Variants in TENM4 observed in about 807,000 individuals in gnomAD.
TENM4 encodes the protein teneurin transmembrane protein 4.
A neutral mutation model predicts 243.3 loss-of-function variants in TENM4; 82 were observed. The observed-to-expected ratio is 0.34, with a 90% CI of 0.28 to 0.40. TENM4 has a LOEUF of 0.40. Among genes scored for constraint, TENM4 ranks in the 10% least tolerant of loss-of-function variants. The pLI is 1.00. For missense variants in TENM4, 3,138 were observed against 3,673.3 expected, an observed-to-expected ratio of 0.85 and a Z score of 3.77; for synonymous variants, 1,412 against 1,456.3, an observed-to-expected ratio of 0.97 and a Z score of 0.69.
chr11:79,145,555 C>T (rs1428199027), intron 4 of TENM4, among the ~76,000 whole-genome samples: 1 of 152,070 alleles, frequency 6.6e-6, no homozygotes, highest in Non-Finnish European at 1.5e-5. Context: ...TTGCTATGTG[C>T]AATATTCCAC....
intron 7 of TENM4, among the ~76,000 whole-genome samples, chr11:78,900,922 G>A (rs994560480): frequency 6.6e-6 from 1 of 152,184 alleles, no homozygotes; most frequent in African/African-American, 2.4e-5. Flanking sequence ...TGTATTCACT[G>A]AATTAAGCAC....
Position 78,672,795 on chromosome 11 carries a change from G to A in TENM4, c.5497-466C>T, listed in dbSNP as rs141992590. 3.3e-5 allele frequency among the ~76,000 whole-genome samples: 5 copies of A among 152,220 alleles called. No homozygotes were observed. In the East Asian group the frequency reaches 7.8e-4, roughly 24 times the overall value. ...GGTGAAGGGATTTACCCTGGATCTC[G>A]TGGCTGGTGAGTGACGGAGTCTGGA... is the stretch of plus-strand genomic sequence containing the variant. On this transcript the variant is annotated intron_variant, in intron 30 of 33. Transcript: ENST00000278550.
In TENM4 at chr11:79,395,710, C is replaced by T. The variant is rs528846066; in HGVS notation, c.-321+44799G>A. Among the ~76,000 whole-genome samples the T allele has an allele frequency of 7.4e-4, 113 of 152,254 alleles. 3 individuals are homozygous for T. The South Asian group carries it at 0.023, about 31-fold the overall frequency. ...CCTCTCTGGACATTTACTGCCCACT[C>T]CTCTTTTAGAAACACTTTCATACTC... On this transcript the variant is annotated intron_variant, in intron 1 of 33. Transcript: ENST00000278550.
At chr11:79,193,455 T>C (rs1044217615) in intron 3 of TENM4, among the ~76,000 whole-genome samples, 2 of 152,360 alleles carry the variant, frequency 1.3e-5, no homozygotes, top group Admixed American at 6.5e-5. Context: ...CCTACGGCAC[T>C]GTCTGGTGCA....
intron 4 of TENM4, among the ~76,000 whole-genome samples, chr11:79,123,497 G>A (rs56312510): frequency 2.0e-5 from 3 of 152,088 alleles, no homozygotes; most frequent in Non-Finnish European, 4.4e-5. Context: ...ACATTAAACT[G>A]CCAAAAGTAC....
chr11:79,334,406 C>G (rs572731209), intron 1 of TENM4, among the ~76,000 whole-genome samples: 1 of 152,308 alleles, frequency 6.6e-6, no homozygotes, highest in Admixed American at 6.5e-5. Context: ...TTCACCGCAG[C>G]CTTCAACCTA....
At chr11:79,325,185 A>T (rs1219362696) in intron 1 of TENM4, among the ~76,000 whole-genome samples, 1 of 152,186 alleles carries the variant, frequency 6.6e-6, no homozygotes, top group Admixed American at 6.5e-5. Flanking sequence ...CATTCCTGAG[A>T]AGTGAGTTCT....
At chr11:79,333,293 A>G (rs1857091904) in intron 1 of TENM4, among the ~76,000 whole-genome samples, 1 of 152,118 alleles carries the variant, frequency 6.6e-6, no homozygotes, top group African/African-American at 2.4e-5. Context: ...AGAACCTACT[A>G]TGTGCCAGAC....
At chr11:79,385,938 A>G (rs975288015) in intron 1 of TENM4, among the ~76,000 whole-genome samples, 5 of 152,202 alleles carry the variant, frequency 3.3e-5, no homozygotes, top group Non-Finnish European at 5.9e-5. Context: ...TCTATTAAAC[A>G]GCACAGAACA....
intron 29 of TENM4, 48 bp from the exon 30 acceptor site, chr11:78,676,435 G>A: frequency 6.6e-7 from 1 of 1,507,146 alleles, no homozygotes; most frequent in South Asian, 1.3e-5. Flanking sequence ...CGAAGGTGGA[G>A]GGAGGTGTGA....
At chr11:79,247,036 G>A (rs1349562284) in intron 2 of TENM4, among the ~76,000 whole-genome samples, 1 of 147,404 alleles carries the variant, frequency 6.8e-6, no homozygotes, top group African/African-American at 2.5e-5. Context: ...AAATGATAAG[G>A]CTTCTCTTCT....
intron 4 of TENM4, among the ~76,000 whole-genome samples, chr11:79,141,338 GA>G (rs1442007953): frequency 6.6e-6 from 1 of 151,974 alleles, no homozygotes; most frequent in Non-Finnish European, 1.5e-5. Context: ...AAATTCAAAG[GA>G]ACATTAGAGA....
intron 15 of TENM4, among the ~76,000 whole-genome samples, chr11:78,797,177 T>C (rs1168218134): frequency 1.3e-5 from 2 of 152,242 alleles, no homozygotes; most frequent in Non-Finnish European, 2.9e-5. Context: ...AATCATTGTT[T>C]TCTCAGAGTG....
At chr11:79,338,425 G>GC (rs1857189190) in intron 1 of TENM4, among the ~76,000 whole-genome samples, 1 of 152,190 alleles carries the variant, frequency 6.6e-6, no homozygotes, top group African/African-American at 2.4e-5. Context: ...AAACGGGATG[G>GC]CCCCTGACTG....
chr11:79,019,204 G>A (rs1257659361), intron 6 of TENM4, among the ~76,000 whole-genome samples: 1 of 152,200 alleles, frequency 6.6e-6, no homozygotes, highest in Non-Finnish European at 1.5e-5. Flanking sequence ...TCCAGGGCCT[G>A]GACCTATTAC....
chr11:79,344,519 G>C (rs1260003195), intron 1 of TENM4, among the ~76,000 whole-genome samples: 1 of 152,192 alleles, frequency 6.6e-6, no homozygotes, highest in African/African-American at 2.4e-5. Context: ...GAGAGTACAT[G>C]ACACCCCCAG....
At position 78,693,473 on chromosome 11, in the gene TENM4, T is replaced by A. The variant is rs541622157; in HGVS notation, c.5088-5247A>T. ...TTTCAAATAAAAATCTTTGGGTTCA[T>A]CACTGCAGTATATAGAAAACACTGT... On this transcript the variant is annotated intron_variant, in intron 28 of 33. Coordinates refer to ENST00000278550, the MANE Select transcript of TENM4 (RefSeq NM_001098816.3). 1.1e-4 allele frequency among the ~76,000 whole-genome samples: 17 copies of A among 152,344 alleles called. No homozygotes were observed. In the East Asian group the frequency reaches 3.1e-3, roughly 28 times the overall value.
intron 1 of TENM4, among the ~76,000 whole-genome samples, chr11:79,314,143 C>G (rs1358928646): frequency 1.3e-5 from 2 of 152,112 alleles, no homozygotes; most frequent in South Asian, 4.1e-4. Flanking sequence ...AATGTGTGGC[C>G]TTGCAAGAGC....
At chr11:79,248,239 G>T (rs979723873) in intron 2 of TENM4, among the ~76,000 whole-genome samples, 1 of 152,198 alleles carries the variant, frequency 6.6e-6, no homozygotes, top group Non-Finnish European at 1.5e-5. Flanking sequence ...CACAGGCAAG[G>T]CATGGGATAC....
Sources: allele counts gnomAD v4.1 joint callset (sites outside exome capture counted in the v4.1 genomes callset), GRCh38; gene constraint gnomAD v4.1.1; transcripts MANE v1.5; gene names NCBI Gene and HGNC (gene_info 2026-07-23, HGNC 2026-07-21).